Variants in MAP4 observed in about 807,000 individuals in gnomAD.
MAP4 encodes the protein microtubule-associated protein 4.
Under a neutral mutation model 170.2 loss-of-function variants are expected in MAP4, and 76 were observed. The observed-to-expected ratio is 0.45, with a 90% confidence interval of 0.37 to 0.54. MAP4 has a LOEUF of 0.54. Among genes scored for constraint, MAP4 ranks in the 20% least tolerant of loss-of-function variants. The pLI is 0.00. For missense variants in MAP4, 2,506 were observed against 2,748.0 expected, an observed-to-expected ratio of 0.91 and a Z score of 1.97; for synonymous variants, 909 against 994.5, an observed-to-expected ratio of 0.91 and a Z score of 1.62.
chr3:48,068,420 G>A (rs937059107), intron 1 of MAP4, among the ~76,000 whole-genome samples: 37 of 152,074 alleles, frequency 2.4e-4, no homozygotes, highest in African/African-American at 7.2e-4. Context: ...ATATTTTAGA[G>A]GTAGGATCTC....
In MAP4 at chr3:47,886,053, AAAG is replaced by A. The variant is rs774873024; in HGVS notation, c.5435-8533_5435-8531del. 1.4e-4 allele frequency among the ~76,000 whole-genome samples: 21 copies of A among 152,314 alleles called. 1 individual carries two copies. In the Middle Eastern group the frequency reaches 0.017, roughly 123 times the overall value. On this transcript the variant is annotated intron_variant, in intron 10 of 20. Coordinates refer to ENST00000683076, the MANE Select transcript of MAP4 (RefSeq NM_001385682.1). ...AATGCCTTTGTTCTACAGCAAGCTC[AAAG>A]AAGATCTTACTTGTGTAACTAGCTG... is the stretch of plus-strand genomic sequence containing the variant.
Position 48,079,184 on chromosome 3 carries a change from G to C in MAP4, c.-20+9589C>G, listed in dbSNP as rs141532738. Among the ~76,000 whole-genome samples the C allele has an allele frequency of 2.0e-5, 3 of 151,992 alleles. No individual in the cohort carries two copies. The East Asian group carries it at 5.8e-4, about 29-fold the overall frequency. On this transcript the variant is annotated intron_variant, in intron 1 of 18. Coordinates refer to the MAP4 transcript ENST00000360240. ...TGTCTCAAAAAACACACAAAAATCC[G>C]AAATCTGAAATGCTCCAAAATCTAA... is the stretch of plus-strand genomic sequence containing the variant.
chr3:47,857,716 T>A (rs1189782553), intron 17 of MAP4, among the ~76,000 whole-genome samples: 1 of 151,786 alleles, frequency 6.6e-6, no homozygotes, highest in African/African-American at 2.4e-5. Context: ...TCACTTCCTT[T>A]TTTTTTTTTA....
At chr3:47,994,298 A>G (rs1194925951) in intron 2 of MAP4, among the ~76,000 whole-genome samples, 5 of 152,200 alleles carry the variant, frequency 3.3e-5, no homozygotes, top group African/African-American at 1.2e-4. Flanking sequence ...CACGGTGGAG[A>G]CATTTGTTCT....
At chr3:48,018,983 T>C (rs1199515125), upstream of MAP4, among the ~76,000 whole-genome samples, 1 of 152,078 alleles carries the variant, frequency 6.6e-6, no homozygotes, top group African/African-American at 2.4e-5. Flanking sequence ...AAAATAGCTC[T>C]CTCTGCTTTT....
intron 1 of MAP4, among the ~76,000 whole-genome samples, chr3:48,036,709 C>T (rs1445835157): frequency 6.6e-6 from 1 of 152,146 alleles, no homozygotes; most frequent in African/African-American, 2.4e-5. Flanking sequence ...GTGAATCTCC[C>T]TAAGTTTATA....
Position 47,911,834 on chromosome 3 carries a change from C to T in MAP4, c.2587G>A (p.Glu863Lys), listed in dbSNP as rs954848472. The change falls in exon 9 of 21, where the codon GAA (glutamate) becomes AAA (lysine). Residue 863 changes from glutamate (E) to lysine (K), a missense_variant. Physicochemically the swap from Glu to Lys is moderately conservative, Grantham distance 56. Coordinates refer to ENST00000683076, the MANE Select transcript of MAP4 (RefSeq NM_001385682.1). This position sits in a 1 kb window ranked among gnomAD's most constrained non-coding sequence, Gnocchi z 4.0. ...SLRIPLYPSE[E>K]APKTAISSQS... ...GAACTTATTGCAGTTTTGGGGGCTT[C>T]TTCAGAAGGATATAAAGGAATTCTG... is the stretch of plus-strand genomic sequence containing the variant. The T allele has an allele frequency of 1.1e-5, 17 of 1,536,018 alleles. No individual in the cohort carries two copies. In the Admixed American group the frequency reaches 3.1e-4, roughly 28 times the overall value.
intron 19 of MAP4, among the ~76,000 whole-genome samples, chr3:47,853,744 G>C (rs372684644): frequency 6.6e-6 from 1 of 151,658 alleles, no homozygotes; most frequent in Non-Finnish European, 1.5e-5. Flanking sequence ...AACCCTCCCT[G>C]AACCCAGGCC....
intron 3 of MAP4, among the ~76,000 whole-genome samples, chr3:47,967,452 G>C (rs1327225782): frequency 6.6e-6 from 1 of 152,170 alleles, no homozygotes; most frequent in African/African-American, 2.4e-5. Context: ...AGGAGTTTGA[G>C]ACCAGCCTGG....
intron 1 of MAP4, among the ~76,000 whole-genome samples, chr3:48,008,378 T>C (rs915540672): frequency 6.6e-6 from 1 of 152,202 alleles, no homozygotes; most frequent in Non-Finnish European, 1.5e-5. Context: ...GCTGCAGCAC[T>C]ACAACCCCTT....
chr3:47,930,172 G>A (rs1016002065), intron 3 of MAP4, among the ~76,000 whole-genome samples: 16 of 151,666 alleles, frequency 1.1e-4, no homozygotes, highest in African/African-American at 2.2e-4. Context: ...CAGGCCGGGC[G>A]CGGTGGCTCA....
intron 1 of MAP4, among the ~76,000 whole-genome samples, chr3:48,064,631 A>C (rs964799861): frequency 6.6e-6 from 1 of 152,164 alleles, no homozygotes; most frequent in African/African-American, 2.4e-5. Flanking sequence ...GGTGGTTACA[A>C]TTAGACAGTC....
intron 10 of MAP4, among the ~76,000 whole-genome samples, chr3:47,899,280 T>TCCCAGCTAATCACCACA (rs2100028764): frequency 6.6e-6 from 1 of 152,146 alleles, no homozygotes; most frequent in Non-Finnish European, 1.5e-5. Context: ...ATTACAGGTG[T>TCCCAGCTAATCACCACA]CCCAGCTAAT....
At chr3:48,025,062 AAAAAG>A (rs1311117793) in intron 1 of MAP4, among the ~76,000 whole-genome samples, 2 of 151,984 alleles carry the variant, frequency 1.3e-5, no homozygotes, top group Admixed American at 1.3e-4. Context: ...CTCTGTTTGC[AAAAAG>A]AAAAGAATTC....
chr3:48,051,713 C>T (rs1013961233), intron 1 of MAP4, among the ~76,000 whole-genome samples: 4 of 152,196 alleles, frequency 2.6e-5, no homozygotes, highest in East Asian at 1.9e-4. Context: ...AACTACATCC[C>T]AGGCTCTAGA....
At chr3:47,908,453 T>G (rs1166376386) in intron 9 of MAP4, among the ~76,000 whole-genome samples, 1 of 152,184 alleles carries the variant, frequency 6.6e-6, no homozygotes, top group African/African-American at 2.4e-5. Flanking sequence ...TCTGTATCAT[T>G]GAGAGATCAT....
intron 1 of MAP4, among the ~76,000 whole-genome samples, chr3:48,082,096 T>C (rs2100146924): frequency 6.6e-6 from 1 of 152,224 alleles, no homozygotes; most frequent in Admixed American, 6.5e-5. Context: ...GGGTCCATGT[T>C]GACATAAATG....
chr3:47,902,929 C>G, intron 10 of MAP4, 21 bp downstream of exon 10: 1 of 980,922 alleles, frequency 1.0e-6, no homozygotes. Flanking sequence ...CTTCAAGTTT[C>G]ACACCAAGAG....
At chr3:48,040,399 G>A (rs1346138445) in intron 1 of MAP4, among the ~76,000 whole-genome samples, 1 of 151,812 alleles carries the variant, frequency 6.6e-6, no homozygotes, top group African/African-American at 2.4e-5. Flanking sequence ...CTCCCGAGTA[G>A]CTGAGACTAC....
Sources: gnomAD v4.1 joint callset for allele counts (sites outside exome capture counted in the v4.1 genomes callset) on GRCh38, gnomAD v4.1.1 for gene constraint, Gnocchi (gnomAD v3.1) non-coding constraint, MANE v1.5 for transcripts, NCBI Gene and HGNC (gene_info 2026-07-23, HGNC 2026-07-21) for gene names.